The following ZNF804A variants were observed in gnomAD, a reference collection of about 807,000 sequenced individuals.
ZNF804A encodes zinc finger protein 804A.
Under a neutral mutation model 16.5 loss-of-function variants are expected in ZNF804A, and 2 were observed. That is an observed-to-expected ratio of 0.12 (90% CI 0.05 to 0.38). ZNF804A has a LOEUF of 0.38. ZNF804A is among the 10% of genes least tolerant of loss of function. The probability of loss-of-function intolerance (pLI) is 0.99; values close to 1 mark genes in which losing one functional copy is unlikely to be tolerated. For missense variants in ZNF804A, 1,473 were observed against 1,390.7 expected (o/e 1.06, Z -0.94); for synonymous variants, 534 against 489.6 (o/e 1.09, Z -1.20).
At chr2:184,759,813 G>A (rs144833824) in intron 1 of ZNF804A, among the ~76,000 whole-genome samples, 1 of 151,996 alleles carries the variant, frequency 6.6e-6, no homozygotes, top group East Asian at 1.9e-4. Context: ...CCCCCACTGA[G>A]CACCCCACTC....
chr2:184,731,747 T>C (rs1693525429), intron 1 of ZNF804A, among the ~76,000 whole-genome samples: 1 of 151,906 alleles, frequency 6.6e-6, no homozygotes, highest in African/African-American at 2.4e-5. Flanking sequence ...TTTTTATTTT[T>C]ATTTTTCTGT....
chr2:184,831,600 A>G (rs1695262846), intron 1 of ZNF804A, among the ~76,000 whole-genome samples: 1 of 152,058 alleles, frequency 6.6e-6, no homozygotes, highest in Non-Finnish European at 1.5e-5. Context: ...ATGAATCAGG[A>G]ACTGCCTGTT....
At chr2:184,934,259 T>G (rs975198101) in intron 3 of ZNF804A, among the ~76,000 whole-genome samples, 2 of 152,144 alleles carry the variant, frequency 1.3e-5, no homozygotes, top group Non-Finnish European at 2.9e-5. Context: ...ACTTTTAAAC[T>G]TTGATCTGCT....
At chr2:184,723,942 G>T (rs1481318000) in intron 1 of ZNF804A, among the ~76,000 whole-genome samples, 2 of 151,736 alleles carry the variant, frequency 1.3e-5, no homozygotes, top group Non-Finnish European at 3.0e-5. Context: ...TAAAAAGTTA[G>T]TTGACATATT....
chr2:184,742,893 A>C (rs1026196520), intron 1 of ZNF804A, among the ~76,000 whole-genome samples: 1 of 151,946 alleles, frequency 6.6e-6, no homozygotes, highest in African/African-American at 2.4e-5. Context: ...AAAGTGAGCC[A>C]TGTTGTAAAT....
chr2:184,892,136 A>C (rs557499859), intron 2 of ZNF804A, among the ~76,000 whole-genome samples: 45 of 152,190 alleles, frequency 3.0e-4, no homozygotes, highest in Non-Finnish European at 5.4e-4. Flanking sequence ...TAGTTTTGAA[A>C]ACCAAAGCAA....
intron 1 of ZNF804A, among the ~76,000 whole-genome samples, chr2:184,849,439 T>A (rs1295489399): frequency 6.6e-6 from 1 of 152,028 alleles, no homozygotes; most frequent in Non-Finnish European, 1.5e-5. Flanking sequence ...AGACTGCTAA[T>A]AATGCAGAAG....
intron 1 of ZNF804A, among the ~76,000 whole-genome samples, chr2:184,806,208 T>C (rs1170096219): frequency 2.6e-5 from 4 of 152,008 alleles, no homozygotes; most frequent in Non-Finnish European, 5.9e-5. Context: ...GTGAGTTCTC[T>C]AGAGCACTGC....
chr2:184,622,167 A>G (rs1224937087), intron 1 of ZNF804A, among the ~76,000 whole-genome samples: 1 of 151,818 alleles, frequency 6.6e-6, no homozygotes, highest in Non-Finnish European at 1.5e-5. Context: ...CTCACACGTC[A>G]AGTTCATTGA....
chr2:184,789,933 A>G (rs183702211), intron 1 of ZNF804A, among the ~76,000 whole-genome samples: 7 of 151,148 alleles, frequency 4.6e-5, no homozygotes, highest in African/African-American at 1.7e-4. Flanking sequence ...TTAATTTGAG[A>G]TTTTTCTATC....
intron 1 of ZNF804A, among the ~76,000 whole-genome samples, chr2:184,721,555 A>G (rs1160720889): frequency 6.6e-6 from 1 of 152,146 alleles, no homozygotes; most frequent in Non-Finnish European, 1.5e-5. Flanking sequence ...TCCTGTTACT[A>G]TGGCTGTTAT....
chr2:184,915,257 G>A (rs747200120), intron 2 of ZNF804A, among the ~76,000 whole-genome samples: 18 of 151,690 alleles, frequency 1.2e-4, no homozygotes, highest in South Asian at 2.1e-4. Flanking sequence ...TTATTACATT[G>A]TAAAAATATT....
At chr2:184,662,527 G>T (rs1443557141) in intron 1 of ZNF804A, among the ~76,000 whole-genome samples, 2 of 152,158 alleles carry the variant, frequency 1.3e-5, no homozygotes, top group African/African-American at 2.4e-5. Flanking sequence ...ATATTTGAAT[G>T]GTGTCTCAGT....
chr2:184,866,536 T>G lies in ZNF804A; in HGVS notation c.255+24T>G, dbSNP rs761004601. Reference sequence around the variant, plus strand: ...AGGTAAGAAAGAGATGTGAAAAAATTCTGGCATTTCTGGACTTGTGTAATA... The same window carrying G: ...AGGTAAGAAAGAGATGTGAAAAAATGCTGGCATTTCTGGACTTGTGTAATA... On this transcript the variant is annotated intron_variant, in intron 2 of 3. Coordinates refer to ENST00000302277, the MANE Select transcript of ZNF804A (RefSeq NM_194250.2). The G allele has an allele frequency of 3.8e-6, 6 of 1,586,852 alleles. No homozygotes were observed. The South Asian group carries it at 6.9e-5, about 18-fold the overall frequency.
At chr2:184,843,608 G>C (rs988986360) in intron 1 of ZNF804A, among the ~76,000 whole-genome samples, 8 of 152,100 alleles carry the variant, frequency 5.3e-5, no homozygotes, top group African/African-American at 1.9e-4. Flanking sequence ...TGTTGGGTAA[G>C]TTACATAACT....
At chr2:184,698,433 C>T (rs973724761) in intron 1 of ZNF804A, among the ~76,000 whole-genome samples, 1 of 152,082 alleles carries the variant, frequency 6.6e-6, no homozygotes, top group African/African-American at 2.4e-5. Flanking sequence ...TGTAATTTCT[C>T]AGCAGCTGGA....
intron 2 of ZNF804A, among the ~76,000 whole-genome samples, chr2:184,908,964 C>G (rs1249979102): frequency 3.9e-5 from 6 of 152,080 alleles, no homozygotes; most frequent in Non-Finnish European, 7.4e-5. Flanking sequence ...AGCAAGTTAA[C>G]AGCTAACTTC....
chr2:184,870,954 A>G (rs1695965289), intron 2 of ZNF804A, among the ~76,000 whole-genome samples: 2 of 151,748 alleles, frequency 1.3e-5, no homozygotes, highest in South Asian at 4.2e-4. Flanking sequence ...CATGCATAAA[A>G]CCATTTAATG....
intron 1 of ZNF804A, among the ~76,000 whole-genome samples, chr2:184,605,686 C>G (rs1691134623): frequency 1.3e-5 from 2 of 151,982 alleles, no homozygotes; most frequent in African/African-American, 4.8e-5. Flanking sequence ...TGTGTATAGA[C>G]TATATGTAAA....
Sources: gnomAD v4.1 joint callset for allele counts (sites outside exome capture counted in the v4.1 genomes callset) on GRCh38, gnomAD v4.1.1 for gene constraint, MANE v1.5 for transcripts, NCBI Gene and HGNC (gene_info 2026-07-23, HGNC 2026-07-21) for gene names.